The following INPP4B variants were observed in gnomAD, a reference collection of about 807,000 sequenced individuals.
INPP4B encodes the protein inositol polyphosphate-4-phosphatase type II B.
In INPP4B, 55 loss-of-function variants were observed where a neutral mutation model predicts 122.5. The observed-to-expected ratio is 0.45, with a 90% CI of 0.36 to 0.56. The LOEUF (loss-of-function observed/expected upper bound fraction) is 0.56. Ranked by LOEUF, INPP4B falls within the 20% of genes least tolerant of loss-of-function variation. INPP4B has a pLI of 0.00. For synonymous variants in INPP4B, 403 were observed against 388.7 expected (o/e 1.04, Z -0.43); for missense variants, 1,000 against 1,097.7 (o/e 0.91, Z 1.26).
chr4:142,030,221 G>A, intron 25 of INPP4B: 4 of 1,535,640 alleles, frequency 2.6e-6, no homozygotes, highest in Non-Finnish European at 3.5e-6. Flanking sequence ...CAGGATAGAA[G>A]TGTCGAGAAG....
intron 11 of INPP4B, among the ~76,000 whole-genome samples, chr4:142,252,940 A>G (rs750244471): frequency 4.6e-5 from 7 of 152,314 alleles, no homozygotes; most frequent in Non-Finnish European, 1.0e-4. Flanking sequence ...AACATCATAG[A>G]GTACACTTAC....
intron 1 of INPP4B, among the ~76,000 whole-genome samples, chr4:142,792,262 T>C (rs1776650100): frequency 6.6e-6 from 1 of 151,910 alleles, no homozygotes; most frequent in Non-Finnish European, 1.5e-5. Flanking sequence ...CATAAATTTT[T>C]ATTATTTTTT....
chr4:142,125,616 C>T (rs1195119660), intron 18 of INPP4B, among the ~76,000 whole-genome samples: 1 of 152,114 alleles, frequency 6.6e-6, no homozygotes, highest in Non-Finnish European at 1.5e-5. Flanking sequence ...TTTATCTCTT[C>T]TGCAAACTCA....
intron 7 of INPP4B, among the ~76,000 whole-genome samples, chr4:142,362,684 A>T (rs967801281): frequency 6.6e-6 from 1 of 152,022 alleles, no homozygotes; most frequent in Non-Finnish European, 1.5e-5. Flanking sequence ...TGTCCTCTGC[A>T]GCAACATGGA....
intron 23 of INPP4B, among the ~76,000 whole-genome samples, chr4:142,092,183 G>T (rs934993020): frequency 1.3e-5 from 2 of 152,132 alleles, no homozygotes; most frequent in Non-Finnish European, 2.9e-5. Context: ...TTGAGTGTGG[G>T]GTTAGCTCAT....
intron 2 of INPP4B, among the ~76,000 whole-genome samples, chr4:142,577,986 T>G (rs1163755886): frequency 6.6e-6 from 1 of 151,918 alleles, no homozygotes; most frequent in Admixed American, 6.6e-5. Flanking sequence ...ACCATGTGAG[T>G]CCTGTCCTTC....
chr4:142,208,337 A>G (rs72720458), intron 14 of INPP4B, 88 bp downstream of exon 14: 7,718 of 577,690 alleles, frequency 0.013, 73 homozygotes, highest in Non-Finnish European at 0.017. Flanking sequence ...TAATTGTTAA[A>G]CTTTTGAATT....
At chr4:142,383,180 T>C (rs1418561170) in intron 7 of INPP4B, among the ~76,000 whole-genome samples, 1 of 152,160 alleles carries the variant, frequency 6.6e-6, no homozygotes, top group Non-Finnish European at 1.5e-5. Flanking sequence ...TTAATCCTAC[T>C]GAACACTGTT....
At chr4:142,230,702 T>G (rs1853940496) in intron 12 of INPP4B, among the ~76,000 whole-genome samples, 1 of 151,756 alleles carries the variant, frequency 6.6e-6, no homozygotes, top group African/African-American at 2.4e-5. Context: ...GGTGTGGATT[T>G]GAAGTGATTT....
intron 9 of INPP4B, among the ~76,000 whole-genome samples, chr4:142,289,171 G>T (rs1319902463): frequency 6.6e-6 from 1 of 152,076 alleles, no homozygotes; most frequent in Non-Finnish European, 1.5e-5. Context: ...TTTTAGCAGT[G>T]AATTTTTAAA....
At chr4:142,458,023 G>A (rs1215874474) in intron 3 of INPP4B, among the ~76,000 whole-genome samples, 1 of 152,144 alleles carries the variant, frequency 6.6e-6, no homozygotes, top group Non-Finnish European at 1.5e-5. Flanking sequence ...GATGCTTTTA[G>A]TGGCTTTTAA....
intron 2 of INPP4B, among the ~76,000 whole-genome samples, chr4:142,651,459 T>G (rs1035817031): frequency 1.3e-5 from 2 of 151,876 alleles, no homozygotes; most frequent in African/African-American, 4.8e-5. Context: ...ATCAACAAAA[T>G]TGATAGACCA....
intron 1 of INPP4B, among the ~76,000 whole-genome samples, chr4:142,826,760 C>A (rs953621944): frequency 6.6e-6 from 1 of 152,088 alleles, no homozygotes; most frequent in Non-Finnish European, 1.5e-5. Flanking sequence ...TTGGTCTTCA[C>A]AAACTCAACT....
chr4:142,485,133 G>C (rs1821049726), intron 2 of INPP4B, among the ~76,000 whole-genome samples: 1 of 152,014 alleles, frequency 6.6e-6, no homozygotes, highest in African/African-American at 2.4e-5. Context: ...TTTTTAACCT[G>C]ACATTAAGGG....
chr4:142,534,715 T>A (rs1827994962), intron 2 of INPP4B, among the ~76,000 whole-genome samples: 2 of 151,092 alleles, frequency 1.3e-5, no homozygotes, highest in Admixed American at 1.3e-4. Flanking sequence ...AATAAAAGAC[T>A]AATGATGCAA....
In INPP4B at chr4:142,680,506, C is replaced by A. The variant is rs191426572; in HGVS notation, c.-191+45333G>T. 1.3e-3 allele frequency among the ~76,000 whole-genome samples: 195 copies of A among 151,848 alleles called. 2 individuals are homozygous for A. Among genetic ancestry groups the A allele is most frequent in the Non-Finnish European group, 2.5e-3 (167 of 67,864 alleles). ...TAGCTGGGTATTTATCTATAAAAAA[C>A]CATGAAAAATAAAAAGATGCAAAAT... On this transcript the variant is annotated intron_variant, in intron 2 of 25. Transcript: ENST00000262992.
chr4:142,623,373 G>T (rs987919753), intron 2 of INPP4B, among the ~76,000 whole-genome samples: 2 of 151,794 alleles, frequency 1.3e-5, no homozygotes, highest in Non-Finnish European at 2.9e-5. Context: ...GCCCCAGAAA[G>T]TCCCCACCAC....
intron 21 of INPP4B, among the ~76,000 whole-genome samples, chr4:142,121,783 T>C (rs1796648649): frequency 6.6e-6 from 1 of 152,156 alleles, no homozygotes; most frequent in Non-Finnish European, 1.5e-5. Flanking sequence ...ATGAGTCTAT[T>C]AACTGAACAA....
chr4:142,457,289 T>C (rs549069210), intron 3 of INPP4B, among the ~76,000 whole-genome samples: 56 of 152,136 alleles, frequency 3.7e-4, no homozygotes, highest in Non-Finnish European at 7.4e-4. Context: ...AAATTGACTT[T>C]ATTGAAGTTG....
Sources: gnomAD v4.1 joint callset for allele counts (sites outside exome capture counted in the v4.1 genomes callset) on GRCh38, gnomAD v4.1.1 for gene constraint, MANE v1.5 for transcripts, NCBI Gene and HGNC (gene_info 2026-07-23, HGNC 2026-07-21) for gene names.